CCNC: variants seen among roughly 807,000 people sequenced by gnomAD.
The protein encoded by CCNC is cyclin C, also known as cyclin-C.
A neutral mutation model predicts 50.0 loss-of-function variants in CCNC; 19 were observed. That is an observed-to-expected ratio of 0.38 (90% CI 0.27 to 0.56). CCNC has a LOEUF of 0.56. CCNC is among the 20% of genes least tolerant of loss of function. CCNC has a pLI of 0.72. For synonymous variants in CCNC, 93 were observed against 103.7 expected (o/e 0.90, Z 0.63); for missense variants, 200 against 327.1 (o/e 0.61, Z 3.00).
intron 5 of CCNC, 178 bp downstream of exon 5, chr6:99,558,319 A>C: frequency 1.1e-6 from 1 of 885,672 alleles, no homozygotes; most frequent in Non-Finnish European, 1.6e-6. Context: ...ATCTTTTTAA[A>C]AAAAAACCTT....
chr6:99,545,157 G>A lies in CCNC; in HGVS notation c.752C>T (p.Ala251Val). 6.2e-7 allele frequency: 1 copy of A among 1,610,906 alleles called. No homozygotes were observed. The highest frequency in any genetic ancestry group is 2.2e-5 in the East Asian group (1 of 44,758). ...WKNFDERKEMATILSKMPKPK... is the reference protein window; with the variant it reads ...WKNFDERKEMVTILSKMPKPK... Reference sequence around the variant, plus strand: ...TTTTGGCATCTTACTAAGAATGGTTGCCATCTCTTTTCTCTCATCGAAATT... The same window carrying A: ...TTTTGGCATCTTACTAAGAATGGTTACCATCTCTTTTCTCTCATCGAAATT... The change falls in exon 11 of 12, where the codon GCA (alanine) becomes GTA (valine). Residue 251 changes from alanine (A) to valine (V), a missense_variant. Transcript: ENST00000520429.
At chr6:99,560,783 G>C (rs1043197479) in intron 4 of CCNC, among the ~76,000 whole-genome samples, 1 of 152,170 alleles carries the variant, frequency 6.6e-6, no homozygotes, top group Non-Finnish European at 1.5e-5. Context: ...ACTTTTACTT[G>C]TTAGACTCTA....
intron 10 of CCNC, among the ~76,000 whole-genome samples, 181 bp downstream of exon 10, chr6:99,546,214 C>T (rs1426206945): frequency 1.3e-5 from 2 of 152,204 alleles, no homozygotes; most frequent in African/African-American, 4.8e-5. Context: ...GATCCGCCCA[C>T]CTAGGCCTCC....
chr6:99,567,845 A>G (rs903647037), intron 1 of CCNC, among the ~76,000 whole-genome samples: 1 of 152,238 alleles, frequency 6.6e-6, no homozygotes, highest in South Asian at 2.1e-4. Flanking sequence ...GAAAAAGGTT[A>G]AAGAAACAGG....
At chr6:99,549,319 G>A in intron 9 of CCNC, 189 bp downstream of exon 9, 1 of 648,838 alleles carries the variant, frequency 1.5e-6, no homozygotes. Flanking sequence ...TACCAAAAAG[G>A]GGGTGGGGGA....
intron 9 of CCNC, among the ~76,000 whole-genome samples, chr6:99,547,720 C>G (rs1434436956): frequency 5.9e-5 from 9 of 152,150 alleles, no homozygotes; most frequent in Admixed American, 5.9e-4. Context: ...TGCCAAATGT[C>G]CCCTCGGGGC....
At chr6:99,568,430 C>A in intron 1 of CCNC, 66 bp downstream of exon 1, 5 of 1,496,074 alleles carry the variant, frequency 3.3e-6, no homozygotes, top group Non-Finnish European at 4.6e-6. Context: ...CCAGGGGAGT[C>A]ACAGGCCCCG....
chr6:99,567,904 C>A (rs956575756), intron 1 of CCNC, among the ~76,000 whole-genome samples: 1 of 152,136 alleles, frequency 6.6e-6, no homozygotes, highest in Admixed American at 6.5e-5. Context: ...ATATAAAGCA[C>A]AGGCTAATGA....
In CCNC at chr6:99,543,408, A is replaced by AACTT. The variant is rs1278679486; in HGVS notation, c.*143_*146dup. 2 of 783,322 alleles carry AACTT rather than the reference A, an allele frequency of 2.6e-6. No homozygotes were observed. Among genetic ancestry groups the AACTT allele is most frequent in the Non-Finnish European group, 4.0e-6 (2 of 494,936 alleles). 48.5% of individuals were successfully genotyped at this position (783,322 alleles called of 1,614,324 possible). ...ATGTACTAGAATCATATTAAAGAAA[A>AACTT]ACTTATTTTGCAAAAATAAAATCAC... On this transcript the variant is annotated 3_prime_UTR_variant, in exon 12 of 12. Coordinates refer to ENST00000520429, the MANE Select transcript of CCNC (RefSeq NM_005190.4).
At chr6:99,564,949 T>G (rs1251730445) in intron 1 of CCNC, among the ~76,000 whole-genome samples, 1 of 152,144 alleles carries the variant, frequency 6.6e-6, no homozygotes, top group East Asian at 1.9e-4. Flanking sequence ...GGGATCCAGC[T>G]AAATATGTTG....
intron 7 of CCNC, 37 bp from the exon 8 acceptor site, chr6:99,550,346 C>A (rs568366058): frequency 1.4e-6 from 2 of 1,405,406 alleles, no homozygotes; most frequent in Non-Finnish European, 2.0e-6. Context: ...GTATAAAAAA[C>A]AGATTTATTA....
At chr6:99,544,205 CCTTAT>C in intron 11 of CCNC, 1 of 1,533,370 alleles carries the variant, frequency 6.5e-7, no homozygotes, top group Non-Finnish European at 8.7e-7. Context: ...AGGATTATTG[CCTTAT>C]CTTGTCCACC....
At chr6:99,546,235 G>C (rs1482993100) in intron 10 of CCNC, among the ~76,000 whole-genome samples, 160 bp downstream of exon 10, 1 of 152,062 alleles carries the variant, frequency 6.6e-6, no homozygotes, top group Non-Finnish European at 1.5e-5. Context: ...CAAAGTGCTG[G>C]GATTACAGAC....
intron 1 of CCNC, among the ~76,000 whole-genome samples, chr6:99,567,798 C>T (rs1470123521): frequency 1.3e-5 from 2 of 152,166 alleles, no homozygotes; most frequent in African/African-American, 2.4e-5. Flanking sequence ...TATTCTAGCT[C>T]TCACATGGTC....
At chr6:99,567,897 T>A (rs1038622940) in intron 1 of CCNC, among the ~76,000 whole-genome samples, 1 of 152,110 alleles carries the variant, frequency 6.6e-6, no homozygotes, top group Admixed American at 6.5e-5. Context: ...AAACAAAATA[T>A]AAAGCACAGG....
intron 4 of CCNC, 34 bp from the exon 5 acceptor site, chr6:99,558,582 A>G (rs556149339): frequency 4.4e-6 from 7 of 1,573,452 alleles, no homozygotes; most frequent in Admixed American, 1.9e-5. Context: ...TGTTAACCCA[A>G]TGAATCTAAG....
At chr6:99,554,284 GACC>G (rs1802426708) in intron 5 of CCNC, among the ~76,000 whole-genome samples, 1 of 151,398 alleles carries the variant, frequency 6.6e-6, no homozygotes, top group Non-Finnish European at 1.5e-5. Context: ...TGTTGCTACT[GACC>G]TTGATCGCCT....
Position 99,568,649 on chromosome 6 carries a change from C to CGCG in CCNC, c.-125_-123dup. The CGCG allele has an allele frequency of 1.3e-6, 2 of 1,531,192 alleles. No individual in the cohort carries two copies. The highest frequency in any genetic ancestry group is 1.8e-6 in the Non-Finnish European group (2 of 1,140,562). The allele number at this position is 1,531,192 out of a possible 1,614,324, so 94.9% of individuals were successfully genotyped here. A position where few individuals can be genotyped will look rare whatever the true frequency, so the allele number is the denominator to read the frequency against. On this transcript the variant is annotated 5_prime_UTR_variant, in exon 1 of 12. Coordinates refer to ENST00000520429, the MANE Select transcript of CCNC (RefSeq NM_005190.4). ...AAATCAGCTCGGCTCGACTCCGCTCCGCGGCGGCGACGGCGAAAGGAAGAG... is the reference window on the plus strand; with the variant it reads ...AAATCAGCTCGGCTCGACTCCGCTCCGCGGCGGCGGCGACGGCGAAAGGAAGAG...
At chr6:99,564,286 G>T (rs879865640) in intron 1 of CCNC, among the ~76,000 whole-genome samples, 5 of 152,040 alleles carry the variant, frequency 3.3e-5, no homozygotes, top group African/African-American at 4.8e-5. Context: ...TTAGCTGGAC[G>T]TGGTGGCGTG....
Sources: allele counts gnomAD v4.1 joint callset (sites outside exome capture counted in the v4.1 genomes callset), GRCh38; gene constraint gnomAD v4.1.1; transcripts MANE v1.5; gene names NCBI Gene and HGNC (gene_info 2026-07-23, HGNC 2026-07-21).